HIPK2: variants seen among roughly 807,000 people sequenced by gnomAD.
HIPK2 encodes the protein homeodomain interacting protein kinase 2.
In HIPK2, 27 loss-of-function variants were observed where a neutral mutation model predicts 113.7. That is an observed-to-expected ratio of 0.24 (90% confidence interval 0.17 to 0.33). HIPK2 has a LOEUF of 0.33. Ranked by LOEUF, HIPK2 falls within the 10% of genes least tolerant of loss-of-function variation. HIPK2 has a pLI of 1.00. For synonymous variants in HIPK2, 631 were observed against 642.2 expected (o/e 0.98, Z 0.26); for missense variants, 1,257 against 1,588.0 (o/e 0.79, Z 3.54).
intron 12 of HIPK2, among the ~76,000 whole-genome samples, chr7:139,595,938 C>T (rs775348757): frequency 2.2e-4 from 33 of 152,144 alleles, no homozygotes; most frequent in Admixed American, 1.5e-3. Context: ...CCCTGGCTCT[C>T]GGTTCCAGTG....
At chr7:139,765,399 T>C (rs1365527647) in intron 1 of HIPK2, among the ~76,000 whole-genome samples, 1 of 152,232 alleles carries the variant, frequency 6.6e-6, no homozygotes, top group East Asian at 1.9e-4. Context: ...CTTAGAAATT[T>C]CAACTCCTCC....
intron 12 of HIPK2, among the ~76,000 whole-genome samples, chr7:139,595,291 G>A (rs936029795): frequency 1.7e-4 from 26 of 152,288 alleles, no homozygotes; most frequent in Admixed American, 1.4e-3. Context: ...GGGCAGGGCC[G>A]TCCCCTTTGT....
intron 4 of HIPK2, among the ~76,000 whole-genome samples, chr7:139,629,361 A>G (rs149761481): frequency 1.9e-3 from 292 of 152,362 alleles, no homozygotes; most frequent in African/African-American, 6.5e-3. Flanking sequence ...ATAAGGCAAG[A>G]TTCCATTGTG....
chr7:139,692,434 C>T (rs1209995583), intron 2 of HIPK2, among the ~76,000 whole-genome samples: 1 of 152,046 alleles, frequency 6.6e-6, no homozygotes, highest in Non-Finnish European at 1.5e-5. Context: ...CTCTGTATAC[C>T]CTGCACTATG....
intron 2 of HIPK2, among the ~76,000 whole-genome samples, chr7:139,705,297 A>T (rs187842703): frequency 6.6e-6 from 1 of 152,302 alleles, no homozygotes; most frequent in East Asian, 1.9e-4. Flanking sequence ...GGCGAGTTAC[A>T]CGCATGCGGC....
chr7:139,704,445 C>T (rs1315258859), intron 2 of HIPK2, among the ~76,000 whole-genome samples: 12 of 146,474 alleles, frequency 8.2e-5, no homozygotes, highest in Admixed American at 2.0e-4. Context: ...AACATACACA[C>T]CCCCAACACA....
At chr7:139,578,864 G>A (rs1798576790) in intron 13 of HIPK2, among the ~76,000 whole-genome samples, 1 of 152,078 alleles carries the variant, frequency 6.6e-6, no homozygotes. Flanking sequence ...TAGAGATGGG[G>A]TTTTGCCATG....
intron 2 of HIPK2, among the ~76,000 whole-genome samples, chr7:139,704,058 A>ACACCACACCCAACACACACAC (rs1554447552): frequency 3.4e-5 from 3 of 89,112 alleles, no homozygotes; most frequent in African/African-American, 1.6e-4. Flanking sequence ...CCCAACACAC[A>ACACCACACCCAACACACACAC]CACACCCAAC....
At chr7:139,682,034 G>A (rs1426751385) in intron 2 of HIPK2, among the ~76,000 whole-genome samples, 1 of 152,144 alleles carries the variant, frequency 6.6e-6, no homozygotes, top group African/African-American at 2.4e-5. Context: ...ATGTCATGCT[G>A]GTACAGACCC....
At chr7:139,774,605 GCAGA>G (rs2117186105) in intron 1 of HIPK2, among the ~76,000 whole-genome samples, 1 of 152,294 alleles carries the variant, frequency 6.6e-6, no homozygotes, top group East Asian at 1.9e-4. Context: ...ATGAATTGCA[GCAGA>G]CAGTTTTTGG....
chr7:139,634,981 A>G (rs922858813), intron 2 of HIPK2, among the ~76,000 whole-genome samples: 2 of 152,134 alleles, frequency 1.3e-5, no homozygotes, highest in South Asian at 4.1e-4. Flanking sequence ...CCTGGCCAGA[A>G]AAGAAGGGAA....
At chr7:139,715,796 G>GT (rs1223340303) in intron 2 of HIPK2, 136 bp downstream of exon 2, 4 of 1,246,070 alleles carry the variant, frequency 3.2e-6, no homozygotes, top group African/African-American at 3.0e-5. Context: ...TCCTAATTTC[G>GT]TAAGTACATT....
chr7:139,697,669 C>T (rs1302820420), intron 2 of HIPK2, among the ~76,000 whole-genome samples: 7 of 151,716 alleles, frequency 4.6e-5, no homozygotes, highest in African/African-American at 9.7e-5. Flanking sequence ...GAATCACATG[C>T]GTAAAATTAG....
intron 2 of HIPK2, among the ~76,000 whole-genome samples, chr7:139,641,330 A>C (rs1390002391): frequency 1.4e-5 from 2 of 146,360 alleles, no homozygotes; most frequent in African/African-American, 5.2e-5. Flanking sequence ...GCGCCACTAC[A>C]CTCCAGCCTG....
chr7:139,748,469 G>A (rs1246120405), intron 1 of HIPK2, among the ~76,000 whole-genome samples: 3 of 151,910 alleles, frequency 2.0e-5, no homozygotes, highest in East Asian at 1.9e-4. Context: ...GGCTCCCTCC[G>A]AGGCTGTGAG....
chr7:139,775,128 C>A (rs917982441), intron 1 of HIPK2, among the ~76,000 whole-genome samples: 3 of 152,192 alleles, frequency 2.0e-5, no homozygotes, highest in Admixed American at 6.5e-5. Flanking sequence ...AAGAATCATG[C>A]ACACTCTTTA....
chr7:139,600,410 C>T lies in HIPK2; in HGVS notation c.2435+7G>A. On this transcript the variant is annotated splice_region_variant and intron_variant, in intron 11 of 14. Coordinates refer to ENST00000406875, the MANE Select transcript of HIPK2 (RefSeq NM_022740.5). ...TTCTCTTCCCTAGGGTGGCTCTCAC[C>T]ACCTACCTCACAGATGACTGGTGCT... 1 of 1,611,842 alleles carries T rather than the reference C, an allele frequency of 6.2e-7. No individual in the cohort carries two copies. The highest frequency in any genetic ancestry group is 8.5e-7 in the Non-Finnish European group (1 of 1,179,156).
At chr7:139,653,630 G>A (rs1237619536) in intron 2 of HIPK2, among the ~76,000 whole-genome samples, 2 of 151,854 alleles carry the variant, frequency 1.3e-5, no homozygotes, top group African/African-American at 4.8e-5. Flanking sequence ...GATGAAAATC[G>A]CCAAGTTTTA....
At chr7:139,627,714 T>C (rs758993512) in intron 5 of HIPK2, among the ~76,000 whole-genome samples, 17 of 152,230 alleles carry the variant, frequency 1.1e-4, no homozygotes, top group Non-Finnish European at 1.6e-4. Flanking sequence ...AAGTGTTTAC[T>C]GGTGTATAGC....
Sources: gnomAD v4.1 joint callset for allele counts (sites outside exome capture counted in the v4.1 genomes callset) on GRCh38, gnomAD v4.1.1 for gene constraint, MANE v1.5 for transcripts, NCBI Gene and HGNC (gene_info 2026-07-23, HGNC 2026-07-21) for gene names.